The following PPM1H variants were observed in gnomAD, a reference collection of about 807,000 sequenced individuals.
The protein encoded by PPM1H is protein phosphatase 1H.
PPM1H carries 27 observed loss-of-function variants against 54.9 expected under a neutral mutation model. That is an observed-to-expected ratio of 0.49 (90% CI 0.36 to 0.68). The LOEUF is 0.68. Among genes scored for constraint, PPM1H ranks in the 30% least tolerant of loss-of-function variants. The probability of loss-of-function intolerance (pLI) is 0.00; values close to 1 mark genes in which losing one functional copy is unlikely to be tolerated. For synonymous variants in PPM1H, 305 were observed against 270.8 expected (o/e 1.13, Z -1.24); for missense variants, 596 against 667.8 (o/e 0.89, Z 1.19).
At chr12:62,733,181 A>T (rs551388356) in intron 5 of PPM1H, among the ~76,000 whole-genome samples, 2 of 152,072 alleles carry the variant, frequency 1.3e-5, no homozygotes, top group African/African-American at 4.8e-5. Flanking sequence ...AGGTCAAATG[A>T]CTCATGACTG....
intron 2 of PPM1H, among the ~76,000 whole-genome samples, chr12:62,807,632 G>C (rs2076812729): frequency 6.6e-6 from 1 of 152,014 alleles, no homozygotes; most frequent in Non-Finnish European, 1.5e-5. Context: ...TTAATCCCTT[G>C]AACTAGATAA....
chr12:62,855,380 G>T (rs1201820667), intron 1 of PPM1H, among the ~76,000 whole-genome samples: 1 of 152,158 alleles, frequency 6.6e-6, no homozygotes, highest in African/African-American at 2.4e-5. Context: ...AAGGCAGAAA[G>T]GGGCAAACTA....
intron 1 of PPM1H, among the ~76,000 whole-genome samples, chr12:62,910,599 T>C (rs1479003518): frequency 2.6e-5 from 4 of 152,242 alleles, no homozygotes; most frequent in Non-Finnish European, 5.9e-5. Flanking sequence ...ATTCCTTTTA[T>C]GTCTATATCC....
intron 4 of PPM1H, among the ~76,000 whole-genome samples, chr12:62,784,419 G>A (rs1464030345): frequency 6.6e-6 from 1 of 152,152 alleles, no homozygotes; most frequent in East Asian, 1.9e-4. Flanking sequence ...CTGACCATTG[G>A]CAGCTTCCAA....
chr12:62,696,043 C>G (rs4763027), intron 6 of PPM1H, among the ~76,000 whole-genome samples: 21,159 of 152,104 alleles, frequency 0.14, 1,716 homozygotes, highest in East Asian at 0.29. Flanking sequence ...TTAAATAGAG[C>G]TAGAAGGCTA....
chr12:62,910,632 C>G (rs1871425566), intron 1 of PPM1H, among the ~76,000 whole-genome samples: 1 of 152,052 alleles, frequency 6.6e-6, no homozygotes, highest in South Asian at 2.1e-4. Context: ...GCACTTTATC[C>G]AGGCTAACAC....
At chr12:62,817,170 A>G (rs868007995) in intron 2 of PPM1H, among the ~76,000 whole-genome samples, 18 of 146,056 alleles carry the variant, frequency 1.2e-4, no homozygotes, top group Middle Eastern at 3.6e-3. Flanking sequence ...AGAAAAAAAA[A>G]AAAAAAAACT....
intron 1 of PPM1H, among the ~76,000 whole-genome samples, chr12:62,898,309 C>T (rs148446492): frequency 2.0e-5 from 3 of 152,200 alleles, no homozygotes; most frequent in Non-Finnish European, 4.4e-5. Context: ...TAATTAAGTA[C>T]GGAGCAGAAA....
At chr12:62,907,595 G>A (rs113150778) in intron 1 of PPM1H, among the ~76,000 whole-genome samples, 3 of 152,276 alleles carry the variant, frequency 2.0e-5, no homozygotes, top group African/African-American at 7.2e-5. Context: ...ACATAAAAAT[G>A]TTCTAGTCTA....
intron 2 of PPM1H, 83 bp downstream of exon 2, chr12:62,832,031 G>A: frequency 1.4e-6 from 2 of 1,475,400 alleles, no homozygotes; most frequent in Non-Finnish European, 1.9e-6. Context: ...TCCAGATTTA[G>A]GTGAAGCCCT....
intron 2 of PPM1H, among the ~76,000 whole-genome samples, chr12:62,826,089 A>T (rs190890541): frequency 7.9e-4 from 121 of 152,312 alleles, no homozygotes; most frequent in Non-Finnish European, 1.4e-3. Context: ...TTCTTTATGA[A>T]TTGGTATTTG....
rs979235818 is a variant in PPM1H at position 62,700,863 on chromosome 12, G to A, written c.1074-6864C>T. On this transcript the variant is annotated intron_variant, in intron 6 of 9. Transcript: ENST00000228705. ...GATCTAAATAAAAGCCAAGTAACCA[G>A]ATGGTCTTCTTTAACATTGTTCCTG... Among the ~76,000 whole-genome samples, 4 of 152,180 alleles carry A rather than the reference G, an allele frequency of 2.6e-5. No homozygotes were observed. In the South Asian group the frequency reaches 8.3e-4, roughly 32 times the overall value.
intron 1 of PPM1H, among the ~76,000 whole-genome samples, chr12:62,906,694 C>T (rs1377358219): frequency 2.6e-5 from 4 of 151,962 alleles, no homozygotes; most frequent in Non-Finnish European, 4.4e-5. Context: ...ACCATGACCC[C>T]AAGGGAAACA....
In PPM1H at chr12:62,746,194, C is replaced by CA. The variant is rs369594379; in HGVS notation, c.870-8609dup. ...TGGGCAACAGAGCAAGATCCTGTCT[C>CA]AAAAAAAAAACAAAAACAAAAACAA... On this transcript the variant is annotated intron_variant, in intron 4 of 9. Coordinates refer to ENST00000228705, the MANE Select transcript of PPM1H (RefSeq NM_020700.2). 6.5e-3 allele frequency among the ~76,000 whole-genome samples: 967 copies of CA among 148,468 alleles called. 8 individuals carry two copies. The highest frequency in any genetic ancestry group is 0.015 in the African/African-American group (592 of 40,236).
rs1872240427 is a variant in PPM1H at position 62,934,097 on chromosome 12, G to A, written c.245+395C>T. On this transcript the variant is annotated intron_variant, in intron 1 of 9. Coordinates refer to ENST00000228705, the MANE Select transcript of PPM1H (RefSeq NM_020700.2). This position sits in a 1 kb window ranked among gnomAD's most constrained non-coding sequence, Gnocchi z 4.2. Reference sequence around the variant, plus strand: ...CCCATAAACTCTTCATCACGCGGGGGCGTCAACTATATTTTGGGAGGGTGG... The same window carrying A: ...CCCATAAACTCTTCATCACGCGGGGACGTCAACTATATTTTGGGAGGGTGG... The A allele has an allele frequency of 1.8e-5, 3 of 169,158 alleles. No homozygotes were observed. The highest frequency in any genetic ancestry group is 1.8e-4 in the South Asian group (1 of 5,556). The allele number at this position is 169,158 out of a possible 1,614,324, so 10.5% of individuals were successfully genotyped here. A position where few individuals can be genotyped will look rare whatever the true frequency, so the allele number is the denominator to read the frequency against.
At chr12:62,933,214 C>T (rs1172788146) in intron 1 of PPM1H, among the ~76,000 whole-genome samples, 2 of 152,174 alleles carry the variant, frequency 1.3e-5, no homozygotes, top group Non-Finnish European at 2.9e-5. Context: ...CCCATTTATA[C>T]ACGTTTTCCA....
chr12:62,825,429 C>A lies in PPM1H; in HGVS notation c.411+6685G>T, dbSNP rs112363265. On this transcript the variant is annotated intron_variant, in intron 2 of 9. Transcript: ENST00000228705. ...AATCATGCTACCGTAAAGACACATG[C>A]ACACGTATGTTTATTGCAGCACTAT... Among the ~76,000 whole-genome samples, 836 of 152,322 alleles carry A rather than the reference C, an allele frequency of 5.5e-3. 15 individuals are homozygous for A. The highest frequency in any genetic ancestry group is 0.019 in the African/African-American group (794 of 41,560).
At chr12:62,797,436 C>T (rs1592603885) in intron 3 of PPM1H, among the ~76,000 whole-genome samples, 1 of 152,118 alleles carries the variant, frequency 6.6e-6, no homozygotes. Context: ...TGGCACAAAA[C>T]CCGCAATACC....
At chr12:62,724,661 TATG>T (rs2076280427) in intron 5 of PPM1H, among the ~76,000 whole-genome samples, 1 of 152,210 alleles carries the variant, frequency 6.6e-6, no homozygotes, top group Non-Finnish European at 1.5e-5. Context: ...AACAACAGGG[TATG>T]ATATTTCATC....
Sources: allele counts gnomAD v4.1 joint callset (sites outside exome capture counted in the v4.1 genomes callset), GRCh38; gene constraint gnomAD v4.1.1; non-coding constraint Gnocchi (gnomAD v3.1); transcripts MANE v1.5; gene names NCBI Gene and HGNC (gene_info 2026-07-23, HGNC 2026-07-21).